The following SLC9A6 variants were observed in gnomAD, a reference collection of about 807,000 sequenced individuals.
SLC9A6 encodes the protein sodium/hydrogen exchanger 6.
In SLC9A6, 6 loss-of-function variants were observed where a neutral mutation model predicts 45.3. The observed-to-expected ratio is 0.13, with a 90% CI of 0.07 to 0.26. The LOEUF (loss-of-function observed/expected upper bound fraction) is 0.26. Ranked by LOEUF, SLC9A6 falls within the 10% of genes least tolerant of loss-of-function variation. The pLI is 1.00. For missense variants in SLC9A6, 278 were observed against 503.7 expected (o/e 0.55, Z 4.29); for synonymous variants, 191 against 187.7 (o/e 1.02, Z -0.14).
chrX:136,005,116 T>G (rs2089637913), intron 7 of SLC9A6, among the ~76,000 whole-genome samples: 2 of 112,128 alleles, frequency 1.8e-5, no homozygotes, highest in African/African-American at 6.5e-5. Flanking sequence ...TTAGAAAATC[T>G]CTGTTCTGGT....
chrX:135,988,807 T>C (rs907440683), intron 2 of SLC9A6, among the ~76,000 whole-genome samples: 3 of 107,587 alleles, frequency 2.8e-5, no homozygotes, highest in Non-Finnish European at 5.8e-5. Context: ...TGTGGGGGGG[T>C]CTTCCCATGT....
intron 2 of SLC9A6, among the ~76,000 whole-genome samples, chrX:135,991,005 C>T (rs972455911): frequency 5.4e-5 from 6 of 111,071 alleles, no homozygotes; most frequent in Non-Finnish European, 9.4e-5. Context: ...AGGCTTTTCT[C>T]TTCTAGGTTA....
intron 16 of SLC9A6, among the ~76,000 whole-genome samples, chrX:136,035,899 G>A (rs962443930): frequency 1.9e-5 from 2 of 107,832 alleles, no homozygotes; most frequent in African/African-American, 6.8e-5. Flanking sequence ...GACTCCTGGT[G>A]CATGTCATCA....
Position 135,997,308 on chromosome X carries a change from G to A in SLC9A6, c.370-800G>A, listed in dbSNP as rs527352805. Among the ~76,000 whole-genome samples the A allele has an allele frequency of 7.2e-5, 8 of 110,725 alleles. 1 individual carries two copies. The highest frequency in any genetic ancestry group is 3.8e-4 in the South Asian group (1 of 2,645). ...TGACCTCAAGTGATCCACCTGCCTC[G>A]GCCTCCCAAAGTGCTGGGATTACAG... On this transcript the variant is annotated intron_variant, in intron 3 of 17. Coordinates refer to ENST00000630721, the MANE Select transcript of SLC9A6 (RefSeq NM_001379110.1).
intron 6 of SLC9A6, among the ~76,000 whole-genome samples, chrX:136,001,406 T>C (rs1556617375): frequency 9.1e-6 from 1 of 109,633 alleles, no homozygotes; most frequent in Non-Finnish European, 1.9e-5. Context: ...TCCGCTTGGG[T>C]TTCTTTAGTA....
chrX:135,983,708 T>G (rs1455629949), upstream of SLC9A6: 2 of 107,102 alleles, frequency 1.9e-5, no homozygotes, highest in African/African-American at 6.9e-5. Context: ...CGGGTTTTTT[T>G]TTTTTTTTTT....
intron 7 of SLC9A6, among the ~76,000 whole-genome samples, chrX:136,007,894 A>AT (rs2089681687): frequency 9.0e-6 from 1 of 110,894 alleles, no homozygotes; most frequent in Admixed American, 9.7e-5. Context: ...TCTGTAGGGT[A>AT]TTTTTTAGGA....
chrX:136,018,637 C>G (rs1306565293), intron 11 of SLC9A6, among the ~76,000 whole-genome samples: 2 of 111,571 alleles, frequency 1.8e-5, no homozygotes, highest in Non-Finnish European at 3.8e-5. Context: ...GGTCCCAGTG[C>G]TATGGAGGAA....
intron 3 of SLC9A6, among the ~76,000 whole-genome samples, chrX:135,995,764 A>G (rs1180353266): frequency 2.7e-5 from 3 of 111,432 alleles, no homozygotes; most frequent in Admixed American, 9.6e-5. Context: ...TTGATTCACA[A>G]TCTGACACAA....
intron 8 of SLC9A6, among the ~76,000 whole-genome samples, chrX:136,011,976 G>A (rs1556618709): frequency 8.9e-6 from 1 of 111,886 alleles, no homozygotes; most frequent in Non-Finnish European, 1.9e-5. Flanking sequence ...TGTAGTCCCA[G>A]CTACTCGGGA....
At chrX:136,000,256 A>G (rs2089562004) in intron 6 of SLC9A6, among the ~76,000 whole-genome samples, 2 of 94,588 alleles carry the variant, frequency 2.1e-5, no homozygotes, top group Non-Finnish European at 4.2e-5. Flanking sequence ...CCTGTCTCCA[A>G]AAAAAAAAAA....
intron 13 of SLC9A6, among the ~76,000 whole-genome samples, chrX:136,026,063 A>G (rs1435783581): frequency 8.9e-6 from 1 of 112,471 alleles, no homozygotes; most frequent in Non-Finnish European, 1.9e-5. Flanking sequence ...TTGGCCGCAT[A>G]GTGCCTGTCC....
At chrX:136,016,573 T>C (rs2148178914) in intron 10 of SLC9A6, 72 bp from the exon 11 acceptor site, 1 of 592,934 alleles carries the variant, frequency 1.7e-6, no homozygotes, top group African/African-American at 2.2e-5. Context: ...TGTTTTAATA[T>C]CTTAGTAATA....
intron 13 of SLC9A6, among the ~76,000 whole-genome samples, chrX:136,025,030 T>C (rs1556620428): frequency 8.9e-6 from 1 of 112,265 alleles, no homozygotes. Context: ...CTCAAAAGGA[T>C]ATGTATATAT....
intron 14 of SLC9A6, 62 bp from the exon 15 acceptor site, chrX:136,030,070 A>G (rs782603353): frequency 5.9e-6 from 6 of 1,022,291 alleles, no homozygotes; most frequent in South Asian, 3.8e-5. Flanking sequence ...GACAATGTAT[A>G]TGTGTGAATA....
At chrX:136,022,527 A>G in intron 11 of SLC9A6, 59 bp from the exon 12 acceptor site, 1 of 714,970 alleles carries the variant, frequency 1.4e-6, no homozygotes, top group Non-Finnish European at 2.1e-6. Flanking sequence ...TCTTGAGTGT[A>G]TAGTCTAAAT....
chrX:135,983,855 G>C (rs1384283610), upstream of SLC9A6: 1 of 110,340 alleles, frequency 9.1e-6, no homozygotes, highest in African/African-American at 3.3e-5. Flanking sequence ...TCCTCACCTA[G>C]GTTTCTTGCT....
chrX:136,033,381 A>G (rs986982017), intron 15 of SLC9A6, 33 bp from the exon 16 acceptor site: 1 of 904,230 alleles, frequency 1.1e-6, no homozygotes, highest in Non-Finnish European at 1.6e-6. Context: ...ATATCTTTGT[A>G]TAGATATTGA....
Position 135,998,092 on chromosome X carries a change from C to A in SLC9A6, c.370-16C>A. 1 of 870,028 alleles carries A rather than the reference C, an allele frequency of 1.1e-6. No individual in the cohort carries two copies. The highest frequency in any genetic ancestry group is 1.7e-6 in the Non-Finnish European group (1 of 584,583). 71.7% of individuals were successfully genotyped at this position (870,028 alleles called of 1,213,427 possible). A position where few individuals can be genotyped will look rare whatever the true frequency, so the allele number is the denominator to read the frequency against. ...CTTCTAGGGAATTGATCTAAAATAACTCTTTATTTTAACAGGTTACTTTTG... is the reference window on the plus strand; with the variant it reads ...CTTCTAGGGAATTGATCTAAAATAAATCTTTATTTTAACAGGTTACTTTTG... On this transcript the variant is annotated splice_polypyrimidine_tract_variant and intron_variant, in intron 3 of 17. Transcript: ENST00000630721.
Sources: gnomAD v4.1 joint callset for allele counts (sites outside exome capture counted in the v4.1 genomes callset) on GRCh38, gnomAD v4.1.1 for gene constraint, MANE v1.5 for transcripts, NCBI Gene and HGNC (gene_info 2026-07-23, HGNC 2026-07-21) for gene names.